The following NELL1 variants were observed in gnomAD, a reference collection of about 807,000 sequenced individuals.
NELL1 encodes neural EGFL like 1.
NELL1 carries 76 observed loss-of-function variants against 107.4 expected under a neutral mutation model. The ratio of observed to expected loss-of-function variants is 0.71; its 90% CI spans 0.59 to 0.86. The LOEUF is 0.86. Ranked by LOEUF, NELL1 falls within the 40% of genes least tolerant of loss-of-function variation. The pLI is 0.00. For synonymous variants in NELL1, 353 were observed against 341.2 expected, an observed-to-expected ratio of 1.03 and a Z score of -0.38; for missense variants, 1,024 against 1,005.5, an observed-to-expected ratio of 1.02 and a Z score of -0.25.
At chr11:21,055,518 A>G (rs187935555) in intron 12 of NELL1, among the ~76,000 whole-genome samples, 37 of 152,272 alleles carry the variant, frequency 2.4e-4, no homozygotes, top group Non-Finnish European at 4.1e-4. Context: ...ACCTTACATA[A>G]TTCTTTATAA....
intron 16 of NELL1, among the ~76,000 whole-genome samples, chr11:21,536,610 G>A (rs1295201352): frequency 6.6e-6 from 1 of 152,090 alleles, no homozygotes; most frequent in Admixed American, 6.6e-5. Flanking sequence ...CTAGACTATT[G>A]AGCAGCGAAT....
intron 13 of NELL1, among the ~76,000 whole-genome samples, chr11:21,226,261 G>A (rs1006841466): frequency 1.3e-5 from 2 of 152,198 alleles, no homozygotes; most frequent in Non-Finnish European, 2.9e-5. Flanking sequence ...CAGTAAGTAT[G>A]TAGGAGATCC....
chr11:21,284,609 T>A, intron 14 of NELL1: 1 of 433,522 alleles, frequency 2.3e-6, no homozygotes. Context: ...TAATGCTCAG[T>A]CTTTATGGCA....
intron 2 of NELL1, among the ~76,000 whole-genome samples, chr11:20,740,006 T>C (rs1855855606): frequency 1.3e-5 from 2 of 152,240 alleles, no homozygotes; most frequent in South Asian, 4.1e-4. Flanking sequence ...CACTGCCATT[T>C]GCCACATACT....
intron 2 of NELL1, among the ~76,000 whole-genome samples, chr11:20,711,071 G>A (rs1855101645): frequency 6.6e-6 from 1 of 151,688 alleles, no homozygotes; most frequent in Admixed American, 6.6e-5. Context: ...TCTGAGTTTA[G>A]GTTTGGTTTG....
At chr11:20,772,359 A>T (rs1430903039) in intron 2 of NELL1, among the ~76,000 whole-genome samples, 1 of 152,226 alleles carries the variant, frequency 6.6e-6, no homozygotes, top group Non-Finnish European at 1.5e-5. Flanking sequence ...AGTTGGAGTC[A>T]GAGACACATC....
At chr11:21,466,360 C>T (rs1854030978) in intron 15 of NELL1, among the ~76,000 whole-genome samples, 1 of 152,072 alleles carries the variant, frequency 6.6e-6, no homozygotes, top group Admixed American at 6.6e-5. Context: ...GACAAGGAAA[C>T]AGCTACCAGC....
At chr11:21,288,482 T>C (rs1849178627) in intron 14 of NELL1, among the ~76,000 whole-genome samples, 1 of 152,202 alleles carries the variant, frequency 6.6e-6, no homozygotes. Flanking sequence ...TCTTTACAGA[T>C]TTGTTTTGGT....
intron 12 of NELL1, among the ~76,000 whole-genome samples, chr11:21,099,220 C>CACACACACAA (rs1554967528): frequency 7.0e-6 from 1 of 142,268 alleles, no homozygotes; most frequent in Non-Finnish European, 1.5e-5. Flanking sequence ...CACACACACA[C>CACACACACAA]ACACACACAC....
chr11:20,716,683 A>C (rs1023826097), intron 2 of NELL1, among the ~76,000 whole-genome samples: 8 of 152,230 alleles, frequency 5.3e-5, no homozygotes, highest in Non-Finnish European at 7.3e-5. Flanking sequence ...GACTGCCTAC[A>C]TTCAAATCCT....
rs375865459 is a variant in NELL1 at position 21,387,543 on chromosome 11, G to C, written c.1645+16595G>C. Among the ~76,000 whole-genome samples the C allele has an allele frequency of 1.8e-3, 270 of 151,940 alleles. 9 individuals are homozygous for C. In the South Asian group the frequency reaches 0.053, roughly 30 times the overall value. ...GATTATGTACTGGTAAGGTAGTACG[G>C]ACAAGATTATAGGATTAGGAGGTGT... is the stretch of plus-strand genomic sequence containing the variant. On this transcript the variant is annotated intron_variant, in intron 15 of 19. Coordinates refer to ENST00000357134, the MANE Select transcript of NELL1 (RefSeq NM_006157.5).
chr11:21,074,602 TA>T lies in NELL1; in HGVS notation c.1301-38980del, dbSNP rs1313319171. On this transcript the variant is annotated intron_variant, in intron 12 of 19. Coordinates refer to ENST00000357134, the MANE Select transcript of NELL1 (RefSeq NM_006157.5). ...GCTCTCTAGAATCATTTGTGATGTT[TA>T]AAAAAATTATAATGCTAGGTTCAGT... Among the ~76,000 whole-genome samples the T allele has an allele frequency of 5.3e-5, 8 of 152,220 alleles. No homozygotes were observed. The East Asian group carries it at 1.2e-3, about 22-fold the overall frequency.
At chr11:20,937,653 A>T in intron 9 of NELL1, 133 bp from the exon 10 acceptor site, 1 of 664,590 alleles carries the variant, frequency 1.5e-6, no homozygotes, top group Non-Finnish European at 2.7e-6. Context: ...CTTTCACTTT[A>T]GACAAAGAGA....
chr11:21,093,178 CAT>C (rs1854560352), intron 12 of NELL1, among the ~76,000 whole-genome samples: 1 of 152,078 alleles, frequency 6.6e-6, no homozygotes, highest in African/African-American at 2.4e-5. Flanking sequence ...TTTGGGAAGA[CAT>C]GTGCAGAGTC....
intron 4 of NELL1, among the ~76,000 whole-genome samples, chr11:20,850,258 C>T (rs546867758): frequency 1.9e-4 from 29 of 152,288 alleles, no homozygotes; most frequent in African/African-American, 6.3e-4. Flanking sequence ...GTCTCAGCCA[C>T]CCTCACAGAG....
chr11:21,460,784 C>T (rs1021182605), intron 15 of NELL1, among the ~76,000 whole-genome samples: 16 of 152,062 alleles, frequency 1.1e-4, no homozygotes, highest in Non-Finnish European at 1.8e-4. Flanking sequence ...GGTGGTACAC[C>T]GTCTCTTCAT....
chr11:21,119,456 T>A (rs1855314043), intron 13 of NELL1, among the ~76,000 whole-genome samples: 1 of 152,060 alleles, frequency 6.6e-6, no homozygotes, highest in East Asian at 1.9e-4. Context: ...AGAATAATTA[T>A]CTAGAGCTTA....
At chr11:20,860,953 C>T (rs1848966923) in intron 4 of NELL1, among the ~76,000 whole-genome samples, 1 of 152,096 alleles carries the variant, frequency 6.6e-6, no homozygotes, top group African/African-American at 2.4e-5. Context: ...GACATATCTC[C>T]ATCTTTAAAT....
At chr11:21,522,455 T>C (rs1855750720) in intron 15 of NELL1, among the ~76,000 whole-genome samples, 2 of 152,102 alleles carry the variant, frequency 1.3e-5, no homozygotes, top group Admixed American at 6.6e-5. Flanking sequence ...GTTAAACAAG[T>C]CAGACATAGA....
Sources: gnomAD v4.1 joint callset for allele counts (sites outside exome capture counted in the v4.1 genomes callset) on GRCh38, gnomAD v4.1.1 for gene constraint, MANE v1.5 for transcripts, NCBI Gene and HGNC (gene_info 2026-07-23, HGNC 2026-07-21) for gene names.